Variants in GALNT13 observed in about 807,000 individuals in gnomAD.
The protein encoded by GALNT13 is UDP-GalNAc:polypeptide N-acetylgalactosaminyltransferase 13.
In GALNT13, 28 loss-of-function variants were observed where a neutral mutation model predicts 64.2. The observed-to-expected ratio is 0.44, with a 90% confidence interval of 0.32 to 0.60. The LOEUF is 0.60. Ranked by LOEUF, GALNT13 falls within the 20% of genes least tolerant of loss-of-function variation. The pLI is 0.05. For missense variants in GALNT13, 577 were observed against 669.8 expected (o/e 0.86, Z 1.53); for synonymous variants, 214 against 224.6 (o/e 0.95, Z 0.42).
the GALNT13 span, among the ~76,000 whole-genome samples, chr2:153,139,313 TC>T: frequency 1.3e-5 from 2 of 151,974 alleles, no homozygotes; most frequent in Non-Finnish European, 2.9e-5. Flanking sequence ...ATTTTAGGAG[TC>T]TTTGAGCTCC....
chr2:153,531,787 T>C, the GALNT13 span, among the ~76,000 whole-genome samples: 1 of 152,164 alleles, frequency 6.6e-6, no homozygotes, highest in African/African-American at 2.4e-5. Flanking sequence ...AAGGAAAAAA[T>C]TGACCAAAAG....
chr2:153,607,349 T>C, the GALNT13 span, among the ~76,000 whole-genome samples: 1 of 152,046 alleles, frequency 6.6e-6, no homozygotes, highest in African/African-American at 2.4e-5. Context: ...ACAATAAATA[T>C]AAGGTAAAGT....
chr2:153,828,660 T>A, the GALNT13 span, among the ~76,000 whole-genome samples: 1 of 152,166 alleles, frequency 6.6e-6, no homozygotes, highest in Non-Finnish European at 1.5e-5. Context: ...AGAGCTCTGA[T>A]ATGCCCTGGA....
chr2:153,216,518 A>G, the GALNT13 span, among the ~76,000 whole-genome samples: 1 of 152,002 alleles, frequency 6.6e-6, no homozygotes, highest in South Asian at 2.1e-4. Context: ...ATAGGTGTAC[A>G]GTAGTATCTC....
the GALNT13 span, among the ~76,000 whole-genome samples, chr2:153,815,872 C>A: frequency 6.6e-6 from 1 of 152,276 alleles, no homozygotes; most frequent in South Asian, 2.1e-4. Context: ...ATTCTTCATT[C>A]TAATACTCAC....
chr2:153,478,644 G>T, the GALNT13 span: 1 of 1,196,454 alleles, frequency 8.4e-7, no homozygotes, highest in Non-Finnish European at 1.2e-6. Flanking sequence ...CAGGTGCCGG[G>T]CTGAGCGCTC....
intron 9 of GALNT13, among the ~76,000 whole-genome samples, chr2:154,334,661 C>A (rs534930531): frequency 6.6e-6 from 1 of 151,982 alleles, no homozygotes; most frequent in Non-Finnish European, 1.5e-5. Context: ...TTGTTTCTAA[C>A]GCCAGAATAT....
At chr2:154,416,291 G>A (rs1037957826) in intron 11 of GALNT13, among the ~76,000 whole-genome samples, 1 of 152,110 alleles carries the variant, frequency 6.6e-6, no homozygotes, top group African/African-American at 2.4e-5. Flanking sequence ...CAGATTTGGT[G>A]TCTGATGAGG....
chr2:153,740,727 A>T, the GALNT13 span, among the ~76,000 whole-genome samples: 1 of 152,174 alleles, frequency 6.6e-6, no homozygotes, highest in African/African-American at 2.4e-5. Flanking sequence ...CATTTAACTC[A>T]AATTGCAAAC....
rs1693139245 is a variant in GALNT13, at chr2:154,298,600, TGTA to T, written c.976-2808_976-2806del. ...TTGTATATATAATTTATATATACAATGTATATATTAATTTATATATACATTGTA... is the reference window on the plus strand; with the variant it reads ...TTGTATATATAATTTATATATACAATTATATTAATTTATATATACATTGTA... On this transcript the variant is annotated intron_variant, in intron 8 of 12. Coordinates refer to ENST00000392825, the MANE Select transcript of GALNT13 (RefSeq NM_052917.4). Among the ~76,000 whole-genome samples the T allele has an allele frequency of 1.3e-3, 3 of 2,280 alleles. No individual in the cohort carries two copies. The Non-Finnish European group carries it at 0.017, about 13-fold the overall frequency. 1.5% of individuals were successfully genotyped at this position (2,280 alleles called of 152,430 possible).
intron 3 of GALNT13, among the ~76,000 whole-genome samples, chr2:153,950,512 A>C (rs879560945): frequency 6.6e-5 from 10 of 152,128 alleles, no homozygotes; most frequent in Non-Finnish European, 1.3e-4. Flanking sequence ...AACTTCAGAT[A>C]ACAGTTGGAC....
intron 9 of GALNT13, among the ~76,000 whole-genome samples, chr2:154,332,999 A>G (rs1375743201): frequency 1.3e-5 from 2 of 152,104 alleles, no homozygotes; most frequent in African/African-American, 2.4e-5. Context: ...TAATCACTTC[A>G]TTCTCAGTGT....
the GALNT13 span, among the ~76,000 whole-genome samples, chr2:153,156,467 C>T: frequency 6.6e-6 from 1 of 152,024 alleles, no homozygotes; most frequent in Admixed American, 6.6e-5. Context: ...TGGATAAAGA[C>T]ATATTCAGGA....
At chr2:153,342,572 A>G in the GALNT13 span, among the ~76,000 whole-genome samples, 2 of 152,238 alleles carry the variant, frequency 1.3e-5, no homozygotes, top group African/African-American at 4.8e-5. Context: ...CAAACACATT[A>G]CAATTTGACT....
At chr2:153,948,274 A>C (rs1691917729) in intron 3 of GALNT13, among the ~76,000 whole-genome samples, 1 of 151,788 alleles carries the variant, frequency 6.6e-6, no homozygotes, top group Non-Finnish European at 1.5e-5. Flanking sequence ...ACTGATTATT[A>C]GCTAATTGCA....
chr2:153,943,774 C>T (rs905014833), intron 2 of GALNT13, among the ~76,000 whole-genome samples: 3 of 152,202 alleles, frequency 2.0e-5, no homozygotes, highest in African/African-American at 4.8e-5. Context: ...GGATTACAGG[C>T]GTGAGCCGCC....
the GALNT13 span, among the ~76,000 whole-genome samples, chr2:153,325,765 A>C: frequency 6.6e-6 from 1 of 152,148 alleles, no homozygotes; most frequent in Non-Finnish European, 1.5e-5. Context: ...CCCCGTAGTC[A>C]TTCAGGAGGA....
chr2:153,765,109 TG>T, the GALNT13 span, among the ~76,000 whole-genome samples: 1 of 152,298 alleles, frequency 6.6e-6, no homozygotes, highest in Admixed American at 6.5e-5. Context: ...GAAAGTGGGA[TG>T]GGAGCCCCCA....
intron 11 of GALNT13, among the ~76,000 whole-genome samples, chr2:154,432,110 A>G (rs888873705): frequency 5.9e-5 from 9 of 152,364 alleles, no homozygotes; most frequent in Non-Finnish European, 1.3e-4. Flanking sequence ...ATTACAATAT[A>G]AATTCAGAAG....
Sources: allele counts gnomAD v4.1 joint callset (sites outside exome capture counted in the v4.1 genomes callset), GRCh38; gene constraint gnomAD v4.1.1; transcripts MANE v1.5; gene names NCBI Gene and HGNC (gene_info 2026-07-23, HGNC 2026-07-21).